Variants in AQP9 observed in about 807,000 individuals in gnomAD.
AQP9 encodes aquaporin-9.
A neutral mutation model predicts 23.8 loss-of-function variants in AQP9; 19 were observed. The ratio of observed to expected loss-of-function variants is 0.80; its 90% CI spans 0.56 to 1.17. The LOEUF (loss-of-function observed/expected upper bound fraction) is 1.17, where lower values mean the gene tolerates loss of function less well. Ranked by LOEUF, AQP9 falls within the 50% of genes most tolerant of loss-of-function variation. The probability of loss-of-function intolerance (pLI) is 0.00; values close to 1 mark genes in which losing one functional copy is unlikely to be tolerated. For missense variants in AQP9, 413 were observed against 362.0 expected (o/e 1.14, Z -1.14); for synonymous variants, 153 against 131.5 (o/e 1.16, Z -1.12).
At chr15:58,150,133 A>G (rs2063901) in intron 1 of AQP9, 134,420 of 152,702 alleles carry the variant, frequency 0.88, 60,038 homozygotes, top group Non-Finnish European at 0.96. Context: ...GGCATGGTGG[A>G]GTTGCAGGGA....
rs971251442 is a variant in AQP9 at position 58,149,945 on chromosome 15, C to T, written c.111+11269C>T. On this transcript the variant is annotated intron_variant, in intron 1 of 5. Transcript: ENST00000219919. ...CTTCCTTTGATGGTAGCCACAGATG[C>T]TTTCTCCAGGAGCTAGGACTGCATC... Among the ~76,000 whole-genome samples the T allele has an allele frequency of 2.6e-5, 4 of 152,210 alleles. No individual in the cohort carries two copies. In the East Asian group the frequency reaches 7.7e-4, roughly 29 times the overall value.
intron 1 of AQP9, among the ~76,000 whole-genome samples, chr15:58,145,411 G>A (rs1401456122): frequency 6.6e-6 from 1 of 151,572 alleles, no homozygotes; most frequent in Non-Finnish European, 1.5e-5. Flanking sequence ...GCTGAGGCAG[G>A]AGAATTGCTT....
rs1408250734 is a variant in AQP9, at chr15:58,179,131, G to A, written c.499G>A (p.Val167Met). Residue 167 changes from valine (V) to methionine (M), a missense_variant, in exon 5 of 6, where the codon GTG becomes ATG. Physicochemically the swap from Val to Met is conservative, Grantham distance 21. Transcript: ENST00000219919. The stretch of plus-strand genomic sequence containing the variant: ...GGCTCAACTTCTCCCTCTCCAGGTG[G>A]TGGCCACCATGATACTCCTCATAAT... ...SLANAFADQV[V>M]ATMILLIIVF... 1 of 1,608,780 alleles carries A rather than the reference G, an allele frequency of 6.2e-7. No homozygotes were observed. The highest frequency in any genetic ancestry group is 1.7e-5 in the Admixed American group (1 of 60,008).
intron 1 of AQP9, among the ~76,000 whole-genome samples, chr15:58,157,625 G>A (rs575131459): frequency 3.3e-5 from 5 of 152,180 alleles, no homozygotes; most frequent in South Asian, 2.1e-4. Context: ...CAGCGTTAGC[G>A]GGGAGTGTGC....
chr15:58,176,318 T>C (rs1321609630), intron 4 of AQP9, among the ~76,000 whole-genome samples: 1 of 152,034 alleles, frequency 6.6e-6, no homozygotes, highest in Non-Finnish European at 1.5e-5. Context: ...AGGAGTTCAC[T>C]ACCAGCCTGG....
At chr15:58,158,340 C>G (rs905848311) in intron 1 of AQP9, among the ~76,000 whole-genome samples, 1 of 152,130 alleles carries the variant, frequency 6.6e-6, no homozygotes, top group Non-Finnish European at 1.5e-5. Flanking sequence ...TAAAACAGAC[C>G]TGTGATCAAA....
At chr15:58,168,834 C>A (rs1440549685) in intron 2 of AQP9, among the ~76,000 whole-genome samples, 1 of 152,200 alleles carries the variant, frequency 6.6e-6, no homozygotes, top group African/African-American at 2.4e-5. Flanking sequence ...CCTATAAGCT[C>A]CCACTGAGTT....
intron 4 of AQP9, among the ~76,000 whole-genome samples, chr15:58,177,446 T>C (rs1162059856): frequency 2.6e-5 from 4 of 152,128 alleles, no homozygotes; most frequent in African/African-American, 9.7e-5. Context: ...CAAGAGAGAG[T>C]TGGAGAAGGC....
intron 1 of AQP9, among the ~76,000 whole-genome samples, chr15:58,147,065 A>G (rs1236077277): frequency 6.6e-6 from 1 of 152,176 alleles, no homozygotes; most frequent in African/African-American, 2.4e-5. Context: ...GCTTGGGAGA[A>G]AAGTCCGTTC....
At chr15:58,182,488 T>C (rs1375365223) in intron 5 of AQP9, among the ~76,000 whole-genome samples, 1 of 152,172 alleles carries the variant, frequency 6.6e-6, no homozygotes, top group Non-Finnish European at 1.5e-5. Flanking sequence ...GCTGATATCT[T>C]GGACCTTCAT....
intron 1 of AQP9, among the ~76,000 whole-genome samples, chr15:58,159,245 C>T (rs145709163): frequency 4.6e-5 from 7 of 152,054 alleles, no homozygotes; most frequent in African/African-American, 1.4e-4. Flanking sequence ...TTATACCTCC[C>T]ACTTTTCACA....
intron 1 of AQP9, among the ~76,000 whole-genome samples, chr15:58,140,865 G>A (rs1170224282): frequency 6.6e-6 from 1 of 151,968 alleles, no homozygotes; most frequent in Non-Finnish European, 1.5e-5. Flanking sequence ...CTAACACCAT[G>A]GTATAAATTA....
intron 1 of AQP9, chr15:58,150,147 G>A (rs1215382598): frequency 6.5e-6 from 1 of 152,694 alleles, no homozygotes; most frequent in African/African-American, 2.4e-5. Flanking sequence ...GCAGGGAAAT[G>A]GATAGCGTAT....
chr15:58,173,555 G>A (rs2292714), intron 3 of AQP9, among the ~76,000 whole-genome samples: 26,797 of 152,066 alleles, frequency 0.18, 2,528 homozygotes, highest in African/African-American at 0.22. Flanking sequence ...TGACAAAGGT[G>A]TGACCAGTAA....
Position 58,138,534 on chromosome 15 carries a change from G to A in AQP9, c.-32G>A, listed in dbSNP as rs1179647205. ...TGAGGACCACAACAGGTAGGTATTG[G>A]TAGAAACAGGAGTCCTCAGAGAAGC... On this transcript the variant is annotated 5_prime_UTR_variant, in exon 1 of 6. Coordinates refer to ENST00000219919, the MANE Select transcript of AQP9 (RefSeq NM_020980.5). The A allele has an allele frequency of 6.3e-7, 1 of 1,582,232 alleles. No homozygotes were observed. The highest frequency in any genetic ancestry group is 1.4e-5 in the African/African-American group (1 of 73,854).
chr15:58,183,615 T>C (rs1052528181), intron 5 of AQP9, among the ~76,000 whole-genome samples: 13 of 152,186 alleles, frequency 8.5e-5, no homozygotes, highest in African/African-American at 2.2e-4. Context: ...GGAATCATTA[T>C]TTCAGGATGA....
chr15:58,151,415 C>A (rs1036278309), intron 1 of AQP9: 2 of 152,116 alleles, frequency 1.3e-5, no homozygotes, highest in South Asian at 4.1e-4. Context: ...TATCCACAAC[C>A]TATTCATCAG....
intron 2 of AQP9, among the ~76,000 whole-genome samples, chr15:58,171,118 T>G (rs1307826188): frequency 1.7e-4 from 26 of 148,636 alleles, no homozygotes; most frequent in Non-Finnish European, 3.7e-4. Flanking sequence ...AGACGGAGTT[T>G]CGCTCGTTGC....
At chr15:58,171,254 A>AT (rs1448325157) in intron 2 of AQP9, among the ~76,000 whole-genome samples, 33 of 151,758 alleles carry the variant, frequency 2.2e-4, no homozygotes, top group African/African-American at 7.0e-4. Flanking sequence ...CGCCCAGCTA[A>AT]TTTTTTCTAT....
Sources: allele counts gnomAD v4.1 joint callset (sites outside exome capture counted in the v4.1 genomes callset), GRCh38; gene constraint gnomAD v4.1.1; transcripts MANE v1.5; gene names NCBI Gene and HGNC (gene_info 2026-07-23, HGNC 2026-07-21).